The following ANKLE2 variants were observed in gnomAD, a reference collection of about 807,000 sequenced individuals.
The protein encoded by ANKLE2 is ankyrin repeat and LEM domain containing 2, also known as ankyrin repeat and LEM domain-containing protein 2.
In ANKLE2, 55 loss-of-function variants were observed where a neutral mutation model predicts 84.2. The observed-to-expected ratio is 0.65, with a 90% confidence interval of 0.53 to 0.82. The LOEUF is 0.82. ANKLE2 is among the 40% of genes least tolerant of loss of function. The pLI is 0.00. For synonymous variants in ANKLE2, 551 were observed against 486.1 expected (o/e 1.13, Z -1.76); for missense variants, 1,238 against 1,201.9 (o/e 1.03, Z -0.44).
Position 132,750,628 on chromosome 12 carries a change from G to A in ANKLE2, c.847+15C>T, listed in dbSNP as rs760811656. ...GTGACAGGAACATCAAGATGTGAAC[G>A]GCTGCATGATTTACCTTTCAACCTG... On this transcript the variant is annotated intron_variant, in intron 3 of 12. Transcript: ENST00000357997. 8.7e-6 allele frequency: 14 copies of A among 1,613,054 alleles called. No individual in the cohort carries two copies. Among genetic ancestry groups the A allele is most frequent in the South Asian group, 6.6e-5 (6 of 90,830 alleles).
intron 3 of ANKLE2, chr12:132,749,053 G>A (rs11147045): frequency 0.29 from 44,515 of 151,868 alleles, 7,679 homozygotes; most frequent in Non-Finnish European, 0.39. Flanking sequence ...GAGGAATAAC[G>A]GCAGCAGCGG....
chr12:132,735,603 C>A, intron 8 of ANKLE2, 91 bp from the exon 9 acceptor site: 2 of 1,011,064 alleles, frequency 2.0e-6, no homozygotes, highest in Non-Finnish European at 1.5e-6. Flanking sequence ...GCAGTAGCTG[C>A]CTGTCTCCGC....
Position 132,727,245 on chromosome 12 carries a change from C to T in ANKLE2, c.2814G>A (p.Leu938=), listed in dbSNP as rs1246495797. ...RMARLAELAA[L] is the part of the protein sequence containing the mutation. Reference sequence around the variant, plus strand: ...AACCGAGAGCCCAGCGCCAAGCCTACAGGGCGGCAAGCTCAGCCAGGCGCG... The same window carrying T: ...AACCGAGAGCCCAGCGCCAAGCCTATAGGGCGGCAAGCTCAGCCAGGCGCG... Residue 938 remains leucine, a synonymous_variant, in exon 13 of 13, where the codon CTG becomes CTA. Transcript: ENST00000357997. 7.1e-6 allele frequency: 11 copies of T among 1,554,738 alleles called. No homozygotes were observed. The highest frequency in any genetic ancestry group is 8.7e-6 in the Non-Finnish European group (10 of 1,148,526).
intron 3 of ANKLE2, among the ~76,000 whole-genome samples, 189 bp from the exon 4 acceptor site, chr12:132,748,520 A>T (rs1417204983): frequency 6.6e-6 from 1 of 152,208 alleles, no homozygotes; most frequent in Non-Finnish European, 1.5e-5. Flanking sequence ...AATGGCAGCC[A>T]GCGTGCCCGT....
chr12:132,730,304 G>A lies in ANKLE2; in HGVS notation c.1892-34C>T, dbSNP rs569048906. 43 of 1,511,134 alleles carry A rather than the reference G, an allele frequency of 2.8e-5. No individual in the cohort carries two copies. In the African/African-American group the frequency reaches 5.0e-4, roughly 18 times the overall value. 93.6% of individuals were successfully genotyped at this position (1,511,134 alleles called of 1,614,324 possible). Reference sequence around the variant, plus strand: ...ACAACAAGGAGCACTTCAGTGATGGGAACGACAGGAAGCCACGGAGCTGCT... The same window carrying A: ...ACAACAAGGAGCACTTCAGTGATGGAAACGACAGGAAGCCACGGAGCTGCT... On this transcript the variant is annotated intron_variant, in intron 10 of 12. Transcript: ENST00000357997.
In ANKLE2 at chr12:132,726,114, G is replaced by C. The variant is rs2043694175; in HGVS notation, c.*1128C>G. The C allele has an allele frequency of 1.3e-5, 2 of 152,334 alleles. No individual in the cohort carries two copies. Among genetic ancestry groups the C allele is most frequent in the Non-Finnish European group, 2.9e-5 (2 of 68,178 alleles). The allele number at this position is 152,334 out of a possible 1,614,324, so 9.4% of individuals were successfully genotyped here. A position where few individuals can be genotyped will look rare whatever the true frequency, so the allele number is the denominator to read the frequency against. ...ACTGAAGTTAGCAAAAGCATTGGTG[G>C]GTTTTCATTTTGGATTAAACACTGG... On this transcript the variant is annotated 3_prime_UTR_variant, in exon 13 of 13. Transcript: ENST00000357997.
Position 132,761,489 on chromosome 12 carries a change from T to C in ANKLE2, c.181+129A>G, listed in dbSNP as rs999464080. 9.7e-6 allele frequency: 8 copies of C among 824,132 alleles called. No individual in the cohort carries two copies. In the Admixed American group the frequency reaches 3.2e-4, roughly 33 times the overall value. The allele number at this position is 824,132 out of a possible 1,614,324, so 51.1% of individuals were successfully genotyped here. The stretch of plus-strand genomic sequence containing the variant: ...CGGAATGGCCTTTCCCGACCGGCCC[T>C]GGTTTCCCCGGCCGCCTCGCCCAAC... On this transcript the variant is annotated intron_variant, in intron 1 of 12. Transcript: ENST00000357997.
intron 1 of ANKLE2, chr12:132,757,686 G>A (rs940440579): frequency 2.0e-5 from 3 of 152,330 alleles, no homozygotes; most frequent in African/African-American, 7.2e-5. Flanking sequence ...AGCCGGCCAT[G>A]GTGGCGGGCG....
Position 132,755,032 on chromosome 12 carries a change from T to G in ANKLE2, c.283A>C (p.Thr95Pro). 1 of 1,614,172 alleles carries G rather than the reference T, an allele frequency of 6.2e-7. No individual in the cohort carries two copies. Among genetic ancestry groups the G allele is most frequent in the Non-Finnish European group, 8.5e-7 (1 of 1,180,044 alleles). ...TCAAAAATGAACCTTGTAGTTGATG[T>G]AATGGGTCCACATTTCAATCCGGCT... is the stretch of plus-strand genomic sequence containing the variant. ...VKAGLKCGPITSTTRFIFEKK... is the reference protein window; with the variant it reads ...VKAGLKCGPIPSTTRFIFEKK... The change falls in exon 2 of 13, where the codon ACA becomes CCA. Residue 95 changes from threonine to proline, a missense_variant. Around this residue, in one of 3 missense-constraint regions of ANKLE2, gnomAD observed 422 missense variants for 394.5 expected, o/e 1.07. Transcript: ENST00000357997.
intron 1 of ANKLE2, chr12:132,759,754 T>A (rs2044583260): frequency 6.6e-6 from 1 of 152,126 alleles, no homozygotes; most frequent in African/African-American, 2.4e-5. Flanking sequence ...GTGCTGCACT[T>A]ACCCAACTCC....
At position 132,735,524 on chromosome 12, in the gene ANKLE2, A is replaced by G. The variant is rs2136123143; in HGVS notation, c.1594-12T>C. On this transcript the variant is annotated splice_polypyrimidine_tract_variant and intron_variant, in intron 8 of 12. Coordinates refer to ENST00000357997, the MANE Select transcript of ANKLE2 (RefSeq NM_015114.3). ...CGAAAATCTTCTGCCTATGAAGAAAAAAAAATGTATTGAGCCGTGTCAGGC... is the reference window on the plus strand; with the variant it reads ...CGAAAATCTTCTGCCTATGAAGAAAGAAAAATGTATTGAGCCGTGTCAGGC... 1 of 1,609,208 alleles carries G rather than the reference A, an allele frequency of 6.2e-7. No individual in the cohort carries two copies. The highest frequency in any genetic ancestry group is 1.1e-5 in the South Asian group (1 of 90,432).
intron 5 of ANKLE2, among the ~76,000 whole-genome samples, chr12:132,744,212 C>T (rs2044187840): frequency 6.6e-6 from 1 of 152,302 alleles, no homozygotes; most frequent in South Asian, 2.1e-4. Flanking sequence ...CAACAGTGCC[C>T]CTGAGCCCAA....
At position 132,729,687 on chromosome 12, in the gene ANKLE2, G is replaced by C. The variant is rs1445546187; in HGVS notation, c.2475C>G (p.Phe825Leu). The C allele has an allele frequency of 1.2e-6, 2 of 1,604,310 alleles. No homozygotes were observed. Among genetic ancestry groups the C allele is most frequent in the Non-Finnish European group, 1.7e-6 (2 of 1,176,978 alleles). The change falls in exon 11 of 13, where the codon TTC becomes TTG. Residue 825 changes from phenylalanine to leucine, a missense_variant. By Grantham distance (22) the Phe-to-Leu change is conservative. Around this residue, in one of 3 missense-constraint regions of ANKLE2, gnomAD observed 802 missense variants for 774.5 expected, o/e 1.04. Coordinates refer to ENST00000357997, the MANE Select transcript of ANKLE2 (RefSeq NM_015114.3). ...GGGCAACACACTCCTACCCAAAAAGGAAGAGCCGCCTGGCCGGTTCCCTGG... is the reference window on the plus strand; with the variant it reads ...GGGCAACACACTCCTACCCAAAAAGCAAGAGCCGCCTGGCCGGTTCCCTGG... ...EVTREPARRL[F>L]LFGEEPSKLD...
rs189179793 is a variant in ANKLE2 at position 132,744,117 on chromosome 12, C to T, written c.1231-841G>A. 6.7e-4 allele frequency among the ~76,000 whole-genome samples: 102 copies of T among 152,306 alleles called. 1 individual carries two copies. Among genetic ancestry groups the T allele is most frequent in the South Asian group, 5.6e-3 (27 of 4,828 alleles). On this transcript the variant is annotated intron_variant, in intron 5 of 12. Transcript: ENST00000357997. ...CCACACCATCTGCCTGGAGCTCCCACAGCTGCACCTCTATCCTTCCTTATG... is the reference window on the plus strand; with the variant it reads ...CCACACCATCTGCCTGGAGCTCCCATAGCTGCACCTCTATCCTTCCTTATG...
rs770248855 is a variant in ANKLE2, at chr12:132,727,267, C to T, written c.2792G>A (p.Arg931His). Residue 931 changes from arginine to histidine, a missense_variant, in exon 13 of 13, where the codon CGC (arginine) becomes CAC (histidine). Around this residue, in one of 3 missense-constraint regions of ANKLE2, gnomAD observed 802 missense variants for 774.5 expected, o/e 1.04. Transcript: ENST00000357997. ...CTACAGGGCGGCAAGCTCAGCCAGG[C>T]GCGCCATCCTGCGGAGCTGGCTCCC... is the stretch of plus-strand genomic sequence containing the variant. ...VHGSQLRRMA[R>H]LAELAAL 13 of 1,561,656 alleles carry T rather than the reference C, an allele frequency of 8.3e-6. No individual in the cohort carries two copies. Among genetic ancestry groups the T allele is most frequent in the Middle Eastern group, 1.7e-4 (1 of 6,020 alleles).
rs2044435826 is a variant in ANKLE2 at position 132,754,667 on chromosome 12, C to G, written c.640+8G>C. ...TGTGTGAGGAAATCCTACACACGGTCCCATTACCATTTCTCGCTGGGACGT... is the reference window on the plus strand; with the variant it reads ...TGTGTGAGGAAATCCTACACACGGTGCCATTACCATTTCTCGCTGGGACGT... On this transcript the variant is annotated splice_region_variant and intron_variant, in intron 2 of 12. Transcript: ENST00000357997. 4 of 1,594,356 alleles carry G rather than the reference C, an allele frequency of 2.5e-6. No homozygotes were observed. Among genetic ancestry groups the G allele is most frequent in the Non-Finnish European group, 3.4e-6 (4 of 1,168,486 alleles).
At chr12:132,751,024 C>G in intron 2 of ANKLE2, 175 bp from the exon 3 acceptor site, 1 of 607,570 alleles carries the variant, frequency 1.6e-6, no homozygotes, top group Non-Finnish European at 2.9e-6. Context: ...GAACAATTAA[C>G]AAGCTCGACA....
Position 132,728,170 on chromosome 12 carries a change from A to G in ANKLE2, c.2484-7T>C. On this transcript the variant is annotated splice_region_variant and splice_polypyrimidine_tract_variant and intron_variant, in intron 11 of 12. Coordinates refer to ENST00000357997, the MANE Select transcript of ANKLE2 (RefSeq NM_015114.3). ...GAGTTTTGATGGCTCCTCTCTAGAA[A>G]GCACAATAAAAGAAGCAAAAACATC... is the stretch of plus-strand genomic sequence containing the variant. The G allele has an allele frequency of 2.5e-6, 4 of 1,609,252 alleles. No individual in the cohort carries two copies. Among genetic ancestry groups the G allele is most frequent in the Non-Finnish European group, 3.4e-6 (4 of 1,179,096 alleles).
rs918144102 is a variant in ANKLE2 at position 132,734,442 on chromosome 12, C to A, written c.1834G>T (p.Ala612Ser). Reference sequence around the variant, plus strand: ...TCCCGTTCTCCTGTTTCTTGTTGAGCCTTTTTGCCTATTTCCTGCTGTGTG... The same window carrying A: ...TCCCGTTCTCCTGTTTCTTGTTGAGACTTTTTGCCTATTTCCTGCTGTGTG... ...YLTQQEIGKK[A>S]QQETGEREAS... Residue 612 changes from alanine to serine, a missense_variant, in exon 10 of 13, where the codon GCT becomes TCT. Coordinates refer to ENST00000357997, the MANE Select transcript of ANKLE2 (RefSeq NM_015114.3). 3.7e-6 allele frequency: 6 copies of A among 1,613,992 alleles called. No homozygotes were observed. Among genetic ancestry groups the A allele is most frequent in the Admixed American group, 3.3e-5 (2 of 59,978 alleles).
Sources: allele counts gnomAD v4.1 joint callset (sites outside exome capture counted in the v4.1 genomes callset), GRCh38; gene constraint gnomAD v4.1.1; regional missense constraint gnomAD v4.1.1; transcripts MANE v1.5; gene names NCBI Gene and HGNC (gene_info 2026-07-23, HGNC 2026-07-21).